Variants in DIAPH2 observed in about 807,000 individuals in gnomAD.
DIAPH2 encodes protein diaphanous homolog 2.
Under a neutral mutation model 92.7 loss-of-function variants are expected in DIAPH2, and 35 were observed. The observed-to-expected ratio is 0.38, with a 90% CI of 0.29 to 0.50. The LOEUF (loss-of-function observed/expected upper bound fraction) is 0.50, where lower values mean the gene tolerates loss of function less well. Ranked by LOEUF, DIAPH2 falls within the 20% of genes least tolerant of loss-of-function variation. The probability of loss-of-function intolerance (pLI) is 0.94; values close to 1 mark genes in which losing one functional copy is unlikely to be tolerated. For synonymous variants in DIAPH2, 301 were observed against 280.4 expected (o/e 1.07, Z -0.73); for missense variants, 701 against 819.5 (o/e 0.86, Z 1.77).
At chrX:97,053,875 G>A (rs2066537751) in intron 17 of DIAPH2, among the ~76,000 whole-genome samples, 2 of 111,750 alleles carry the variant, frequency 1.8e-5, no homozygotes, top group African/African-American at 6.5e-5. Context: ...AGGACTAGAG[G>A]GCATTGAATG....
At chrX:96,880,419 A>C (rs2065205556) in intron 4 of DIAPH2, among the ~76,000 whole-genome samples, 1 of 111,985 alleles carries the variant, frequency 8.9e-6, no homozygotes, top group Non-Finnish European at 1.9e-5. Flanking sequence ...AAGAATGATT[A>C]ACACTTTCTA....
At chrX:97,027,846 G>A (rs2066345853) in intron 17 of DIAPH2, among the ~76,000 whole-genome samples, 2 of 112,008 alleles carry the variant, frequency 1.8e-5, no homozygotes, top group African/African-American at 6.5e-5. Flanking sequence ...ACGCTGAGGC[G>A]CTTGTAAACA....
At chrX:97,543,973 G>A (rs1013729762) in intron 26 of DIAPH2, among the ~76,000 whole-genome samples, 8 of 111,694 alleles carry the variant, frequency 7.2e-5, no homozygotes, top group African/African-American at 1.3e-4. Context: ...TTTCTCTATC[G>A]CGCTCAGATC....
At chrX:97,363,855 AT>A (rs1437651630) in intron 24 of DIAPH2, among the ~76,000 whole-genome samples, 1 of 110,660 alleles carries the variant, frequency 9.0e-6, no homozygotes. Context: ...GTAAAAGCAT[AT>A]TTTTAGTGCC....
intron 4 of DIAPH2, among the ~76,000 whole-genome samples, chrX:96,823,617 G>A (rs2064792742): frequency 9.0e-6 from 1 of 110,661 alleles, no homozygotes; most frequent in Admixed American, 9.7e-5. Flanking sequence ...TTTTAACAAT[G>A]AACTTGTATT....
intron 4 of DIAPH2, among the ~76,000 whole-genome samples, chrX:96,779,934 A>G (rs1438621195): frequency 1.8e-5 from 2 of 112,099 alleles, no homozygotes; most frequent in Admixed American, 1.9e-4. Flanking sequence ...TTACAAAAAT[A>G]GCACCCATGT....
chrX:96,831,441 G>T (rs1368490112), intron 4 of DIAPH2, among the ~76,000 whole-genome samples: 1 of 112,033 alleles, frequency 8.9e-6, no homozygotes, highest in Non-Finnish European at 1.9e-5. Flanking sequence ...TTTACAGTCT[G>T]TTGGCACTTG....
chrX:97,553,667 T>TAAAA (rs370885893), intron 26 of DIAPH2, among the ~76,000 whole-genome samples: 1 of 86,886 alleles, frequency 1.2e-5, no homozygotes, highest in Non-Finnish European at 2.2e-5. Context: ...GTGAGTAGGT[T>TAAAA]AAAAAAAAAA....
chrX:96,828,062 G>A (rs970643597), intron 4 of DIAPH2, among the ~76,000 whole-genome samples: 4 of 111,940 alleles, frequency 3.6e-5, no homozygotes, highest in Admixed American at 9.5e-5. Context: ...GAGCCACCGC[G>A]CCCAGCCTCA....
chrX:97,291,973 T>C (rs760531909), intron 23 of DIAPH2, among the ~76,000 whole-genome samples: 1 of 112,023 alleles, frequency 8.9e-6, no homozygotes, highest in African/African-American at 3.2e-5. Flanking sequence ...TGACTAGTGA[T>C]TGATGTATAC....
At position 97,133,290 on chromosome X, in the gene DIAPH2, CT is replaced by C. The variant is rs1240595970; in HGVS notation, c.2590-8365del. Among the ~76,000 whole-genome samples the C allele has an allele frequency of 2.8e-3, 304 of 107,832 alleles. 3 individuals carry two copies. Among genetic ancestry groups the C allele is most frequent in the African/African-American group, 0.01 (299 of 29,824 alleles). The allele number at this position is 107,832 out of a possible 115,157, so 93.6% of individuals were successfully genotyped here. A position where few individuals can be genotyped will look rare whatever the true frequency, so the allele number is the denominator to read the frequency against. ...CTAACTGTTTTGTTTTTTCTTTTTT[CT>C]TTTTTTTTTCTTTGAGACGGAGTTT... On this transcript the variant is annotated intron_variant, in intron 21 of 26. Transcript: ENST00000324765.
At chrX:97,208,181 T>TTCTAGTG (rs1212369123) in intron 22 of DIAPH2, among the ~76,000 whole-genome samples, 1 of 111,787 alleles carries the variant, frequency 8.9e-6, no homozygotes, top group African/African-American at 3.2e-5. Flanking sequence ...AATGAAAACG[T>TTCTAGTG]TCTAGTGTCT....
chrX:97,420,539 T>C (rs2069997947), intron 25 of DIAPH2, among the ~76,000 whole-genome samples: 1 of 112,084 alleles, frequency 8.9e-6, no homozygotes, highest in African/African-American at 3.2e-5. Context: ...CACCTCACTA[T>C]AGGAAACTGT....
chrX:97,208,672 T>C (rs1358573488), intron 22 of DIAPH2, among the ~76,000 whole-genome samples: 1 of 111,874 alleles, frequency 8.9e-6, no homozygotes, highest in Non-Finnish European at 1.9e-5. Flanking sequence ...TTTGAGATAA[T>C]AAAATATTCT....
At chrX:97,183,605 T>C (rs1350717578) in intron 22 of DIAPH2, among the ~76,000 whole-genome samples, 5 of 112,351 alleles carry the variant, frequency 4.5e-5, no homozygotes, top group Non-Finnish European at 9.4e-5. Context: ...TAATATCACA[T>C]GCAAGAAGCA....
At chrX:97,385,737 A>G (rs997690958) in intron 25 of DIAPH2, among the ~76,000 whole-genome samples, 9 of 112,154 alleles carry the variant, frequency 8.0e-5, no homozygotes, top group African/African-American at 2.9e-4. Context: ...TCAGGAGAAA[A>G]TGATAACAAC....
intron 23 of DIAPH2, among the ~76,000 whole-genome samples, chrX:97,258,889 AAACAAC>A (rs1178257689): frequency 2.4e-4 from 24 of 102,095 alleles, no homozygotes; most frequent in South Asian, 4.3e-4. Context: ...AAAAAAAAAA[AAACAAC>A]AACAACAACA....
At chrX:96,952,920 T>C (rs761697926) in intron 15 of DIAPH2, among the ~76,000 whole-genome samples, 1 of 108,350 alleles carries the variant, frequency 9.2e-6, no homozygotes, top group South Asian at 4.1e-4. Context: ...CCCAGGAATT[T>C]GAGACTGTTC....
chrX:96,881,587 G>T lies in DIAPH2; in HGVS notation c.456G>T (p.Leu152=). The change falls in exon 5 of 27, where the codon CTG becomes CTT. Residue 152 remains leucine, a synonymous_variant. Coordinates refer to ENST00000324765, the MANE Select transcript of DIAPH2 (RefSeq NM_006729.5). Reference sequence around the variant, plus strand: ...CTTTGTTTATTTTATAGGGTGGGCTGAAAAACAGCAAACATGAATGCACCC... The same window carrying T: ...CTTTGTTTATTTTATAGGGTGGGCTTAAAAACAGCAAACATGAATGCACCC... ...YISATAKSGG[L]KNSKHECTLS... The T allele has an allele frequency of 8.3e-7, 1 of 1,202,927 alleles. No homozygotes were observed. The highest frequency in any genetic ancestry group is 2.2e-5 in the Admixed American group (1 of 44,543).
Sources: gnomAD v4.1 joint callset for allele counts (sites outside exome capture counted in the v4.1 genomes callset) on GRCh38, gnomAD v4.1.1 for gene constraint, MANE v1.5 for transcripts, NCBI Gene and HGNC (gene_info 2026-07-23, HGNC 2026-07-21) for gene names.